The following PALS2 variants were observed in gnomAD, a reference collection of about 807,000 sequenced individuals.
PALS2 encodes the protein protein PALS2.
PALS2 carries 27 observed loss-of-function variants against 61.6 expected under a neutral mutation model. The ratio of observed to expected loss-of-function variants is 0.44; its 90% CI spans 0.32 to 0.60. The LOEUF (loss-of-function observed/expected upper bound fraction) is 0.60. Among genes scored for constraint, PALS2 ranks in the 20% least tolerant of loss-of-function variants. The pLI is 0.05. For missense variants in PALS2, 554 were observed against 639.4 expected, an observed-to-expected ratio of 0.87 and a Z score of 1.44; for synonymous variants, 236 against 218.6, an observed-to-expected ratio of 1.08 and a Z score of -0.70.
intron 4 of PALS2, among the ~76,000 whole-genome samples, chr7:24,650,030 CCTACCCTTTGAAGACATGAA>C (rs1198488848): frequency 2.0e-5 from 3 of 152,050 alleles, no homozygotes; most frequent in African/African-American, 7.2e-5. Flanking sequence ...TATGTTTCTT[CCTACCCTTTGAAGACATGAA>C]CTACCCTTTG....
intron 5 of PALS2, chr7:24,663,382 A>G (rs1470071831): frequency 7.9e-6 from 3 of 382,020 alleles, no homozygotes; most frequent in Non-Finnish European, 1.4e-5. Context: ...TAGATATTAA[A>G]GTAGAGAAGA....
intron 5 of PALS2, among the ~76,000 whole-genome samples, chr7:24,657,533 A>G (rs746392902): frequency 4.7e-4 from 71 of 152,022 alleles, no homozygotes; most frequent in Non-Finnish European, 9.7e-4. Flanking sequence ...GTCTTCAAAT[A>G]TTTTGTCCAT....
At chr7:24,642,570 G>C (rs749965765) in intron 3 of PALS2, among the ~76,000 whole-genome samples, 1 of 152,070 alleles carries the variant, frequency 6.6e-6, no homozygotes, top group East Asian at 1.9e-4. Context: ...CTGCATTTTC[G>C]TGGAAAAAGA....
rs374232980 is a variant in PALS2, at chr7:24,605,240, A to T, written c.-2-18426A>T. ...AAGAAATCATTGTGATATGGGCAATATTGTTTCTAATGATGAAATTCATTA... is the reference window on the plus strand; with the variant it reads ...AAGAAATCATTGTGATATGGGCAATTTTGTTTCTAATGATGAAATTCATTA... On this transcript the variant is annotated intron_variant, in intron 1 of 11. Transcript: ENST00000222644. Among the ~76,000 whole-genome samples, 9 of 152,296 alleles carry T rather than the reference A, an allele frequency of 5.9e-5. No individual in the cohort carries two copies. In the South Asian group the frequency reaches 1.9e-3, roughly 32 times the overall value.
At chr7:24,586,924 G>A (rs928004003) in intron 1 of PALS2, among the ~76,000 whole-genome samples, 7 of 152,064 alleles carry the variant, frequency 4.6e-5, no homozygotes, top group African/African-American at 7.2e-5. Flanking sequence ...AAGGAATTCC[G>A]AGGCAAAGGC....
At position 24,625,780 on chromosome 7, in the gene PALS2, G is replaced by A. The variant is rs116470768; in HGVS notation, c.117+1996G>A. ...CTTTTGATGATAAAAATGAAATAAA[G>A]CAAAGAGTTATCCAATAATATGCAA... On this transcript the variant is annotated intron_variant, in intron 2 of 11. Transcript: ENST00000222644. 5.2e-3 allele frequency among the ~76,000 whole-genome samples: 793 copies of A among 152,178 alleles called. 7 individuals carry two copies. Among genetic ancestry groups the A allele is most frequent in the African/African-American group, 0.017 (724 of 41,524 alleles).
intron 5 of PALS2, among the ~76,000 whole-genome samples, chr7:24,659,806 C>T (rs1431066368): frequency 2.0e-5 from 3 of 152,160 alleles, no homozygotes; most frequent in African/African-American, 7.2e-5. Context: ...AGGTAGCTTC[C>T]TCATACACAT....
intron 5 of PALS2, among the ~76,000 whole-genome samples, chr7:24,659,118 T>G (rs1786582208): frequency 6.6e-6 from 1 of 152,202 alleles, no homozygotes. Context: ...GGTTTTCTGT[T>G]CCTGCATTAA....
At position 24,596,112 on chromosome 7, in the gene PALS2, TAGC is replaced by T. The variant is rs969810822; in HGVS notation, c.-3+22522_-3+22524del. 1.3e-5 allele frequency among the ~76,000 whole-genome samples: 2 copies of T among 152,026 alleles called. No homozygotes were observed. Among genetic ancestry groups the T allele is most frequent in the African/African-American group, 4.8e-5 (2 of 41,416 alleles). ...ACAGTGGGAAGCCTTTGGGTAGTTT[TAGC>T]AGGAGAGTAACAAAATCTGTTTTGT... On this transcript the variant is annotated intron_variant, in intron 1 of 11. Transcript: ENST00000222644. This position sits in a 1 kb window ranked among gnomAD's most constrained non-coding sequence, Gnocchi z 4.5.
chr7:24,638,802 TCTC>T (rs939677362), intron 2 of PALS2, among the ~76,000 whole-genome samples: 1 of 152,132 alleles, frequency 6.6e-6, no homozygotes, highest in Non-Finnish European at 1.5e-5. Context: ...CATTCCTACT[TCTC>T]CTCACCCAAT....
rs138962541 is a variant in PALS2 at position 24,682,148 on chromosome 7, G to T, written c.1446+1628G>T. 2.4e-3 allele frequency among the ~76,000 whole-genome samples: 368 copies of T among 152,168 alleles called. 1 individual carries two copies. Among genetic ancestry groups the T allele is most frequent in the African/African-American group, 8.2e-3 (342 of 41,536 alleles). On this transcript the variant is annotated intron_variant, in intron 11 of 11. Coordinates refer to ENST00000222644, the MANE Select transcript of PALS2 (RefSeq NM_001303037.2). ...AAATGTGTTAGGTAAGACCCAAGCA[G>T]TTCTCATTTTAGGGCCAGTTAATCC...
Position 24,687,813 on chromosome 7 carries a change from C to G in PALS2, c.*199C>G. 1 of 412,010 alleles carries G rather than the reference C, an allele frequency of 2.4e-6. No individual in the cohort carries two copies. The highest frequency in any genetic ancestry group is 4.1e-6 in the Non-Finnish European group (1 of 242,200). The allele number at this position is 412,010 out of a possible 1,614,324, so 25.5% of individuals were successfully genotyped here. A position where few individuals can be genotyped will look rare whatever the true frequency, so the allele number is the denominator to read the frequency against. The stretch of plus-strand genomic sequence containing the variant: ...GAAGGTGTACTAATATATAATTTAT[C>G]TTAATTTTTCTAACTTTGTATGGAT... On this transcript the variant is annotated 3_prime_UTR_variant, in exon 12 of 12. Transcript: ENST00000222644. The surrounding 1 kb of genome is among the most constrained non-coding windows in gnomAD (Gnocchi z 4.5).
intron 2 of PALS2, among the ~76,000 whole-genome samples, chr7:24,629,548 C>T (rs1784902662): frequency 6.6e-6 from 1 of 152,046 alleles, no homozygotes; most frequent in African/African-American, 2.4e-5. Flanking sequence ...GAACAGGCAG[C>T]CTACAGAATG....
chr7:24,662,527 G>A (rs781636599), intron 5 of PALS2, among the ~76,000 whole-genome samples: 5 of 152,134 alleles, frequency 3.3e-5, no homozygotes, highest in Non-Finnish European at 7.4e-5. Context: ...CCCATACCTT[G>A]GGAGGCTGAG....
At chr7:24,614,832 C>T (rs1784234780) in intron 1 of PALS2, among the ~76,000 whole-genome samples, 1 of 151,852 alleles carries the variant, frequency 6.6e-6, no homozygotes, top group Admixed American at 6.6e-5. Flanking sequence ...TAAAGGCAAA[C>T]ATACAATGTC....
At chr7:24,581,955 GTCTTT>G (rs1380274446) in intron 1 of PALS2, among the ~76,000 whole-genome samples, 2 of 152,142 alleles carry the variant, frequency 1.3e-5, no homozygotes, top group Admixed American at 6.5e-5. Context: ...TCATGTGTCA[GTCTTT>G]TCTTTAAGTA....
At chr7:24,632,199 C>G (rs1036386291) in intron 2 of PALS2, among the ~76,000 whole-genome samples, 2 of 152,204 alleles carry the variant, frequency 1.3e-5, no homozygotes, top group Admixed American at 6.5e-5. Context: ...TGTAATGCCT[C>G]TCTTTGTTCC....
rs552997181 is a variant in PALS2, at chr7:24,579,943, A to G, written c.-3+6350A>G. 1.2e-4 allele frequency among the ~76,000 whole-genome samples: 19 copies of G among 152,236 alleles called. No individual in the cohort carries two copies. The South Asian group carries it at 3.5e-3, about 28-fold the overall frequency. ...TAGTTGGGTAGGATTAATATTTTTA[A>G]AAGATAGAATAGGGCAGCTGGAGAT... On this transcript the variant is annotated intron_variant, in intron 1 of 11. Coordinates refer to ENST00000222644, the MANE Select transcript of PALS2 (RefSeq NM_001303037.2).
At chr7:24,654,064 TTTTTG>T (rs1305167345) in intron 5 of PALS2, among the ~76,000 whole-genome samples, 1 of 152,186 alleles carries the variant, frequency 6.6e-6, no homozygotes, top group African/African-American at 2.4e-5. Context: ...GCTTTTAAAA[TTTTTG>T]TTTTATATAT....
Sources: gnomAD v4.1 joint callset for allele counts (sites outside exome capture counted in the v4.1 genomes callset) on GRCh38, gnomAD v4.1.1 for gene constraint, Gnocchi (gnomAD v3.1) non-coding constraint, MANE v1.5 for transcripts, NCBI Gene and HGNC (gene_info 2026-07-23, HGNC 2026-07-21) for gene names.